The following AACS variants were observed in gnomAD, a reference collection of about 807,000 sequenced individuals.
The protein encoded by AACS is acetoacetate-CoA ligase.
A neutral mutation model predicts 83.1 loss-of-function variants in AACS; 69 were observed. That is an observed-to-expected ratio of 0.83 (90% confidence interval 0.68 to 1.01). The LOEUF is 1.01. Among genes scored for constraint, AACS ranks in the 50% least tolerant of loss-of-function variants. The probability of loss-of-function intolerance (pLI) is 0.00; values close to 1 mark genes in which losing one functional copy is unlikely to be tolerated. For synonymous variants in AACS, 333 were observed against 343.4 expected (o/e 0.97, Z 0.33); for missense variants, 866 against 882.2 (o/e 0.98, Z 0.23).
intron 7 of AACS, among the ~76,000 whole-genome samples, 166 bp downstream of exon 7, chr12:125,103,247 G>C (rs1374733086): frequency 6.6e-6 from 1 of 152,196 alleles, no homozygotes; most frequent in African/African-American, 2.4e-5. Context: ...AGGCCCCAGA[G>C]TGAATCCCCC....
intron 14 of AACS, among the ~76,000 whole-genome samples, chr12:125,132,227 G>A (rs1173421731): frequency 1.3e-5 from 2 of 151,602 alleles, no homozygotes; most frequent in Non-Finnish European, 2.9e-5. Flanking sequence ...CTTTGCAAGG[G>A]ATCAAAGTGT....
chr12:125,073,220 G>A (rs371177741), intron 1 of AACS, among the ~76,000 whole-genome samples: 12 of 152,252 alleles, frequency 7.9e-5, no homozygotes, highest in South Asian at 6.2e-4. Flanking sequence ...GAGCCACCGC[G>A]TCTGGCCTCC....
At chr12:125,068,550 A>T (rs1594561903) in intron 1 of AACS, among the ~76,000 whole-genome samples, 1 of 152,120 alleles carries the variant, frequency 6.6e-6, no homozygotes, top group Non-Finnish European at 1.5e-5. Flanking sequence ...TGCATTCCCA[A>T]CGTGGCAGCA....
intron 15 of AACS, among the ~76,000 whole-genome samples, 195 bp downstream of exon 15, chr12:125,134,267 C>T (rs906992387): frequency 6.6e-6 from 1 of 152,236 alleles, no homozygotes; most frequent in African/African-American, 2.4e-5. Context: ...GGCTGGTGCG[C>T]CATGTTTCCC....
intron 1 of AACS, among the ~76,000 whole-genome samples, chr12:125,069,740 G>A (rs1484041016): frequency 6.6e-6 from 1 of 152,222 alleles, no homozygotes; most frequent in Non-Finnish European, 1.5e-5. Flanking sequence ...CAAGCTGCAC[G>A]TCGGCTCTCT....
At chr12:125,115,230 T>C (rs1276185962) in intron 9 of AACS, among the ~76,000 whole-genome samples, 2 of 151,384 alleles carry the variant, frequency 1.3e-5, no homozygotes, top group Non-Finnish European at 2.9e-5. Flanking sequence ...GTGATCTAGC[T>C]ACAGGTCCTA....
At position 125,097,272 on chromosome 12, in the gene AACS, G is replaced by A. The variant is rs1235011232; in HGVS notation, c.571-5407G>A. Among the ~76,000 whole-genome samples, 2 of 152,088 alleles carry A rather than the reference G, an allele frequency of 1.3e-5. No individual in the cohort carries two copies. Among genetic ancestry groups the A allele is most frequent in the South Asian group, 4.2e-4 (2 of 4,814 alleles). ...GAAATAGTCTTTGTCCACCAAGGAC[G>A]TCACTGAGGAAGGGGTACCGGGGGT... On this transcript the variant is annotated intron_variant, in intron 5 of 17. Transcript: ENST00000316519. This position sits in a 1 kb window ranked among gnomAD's most constrained non-coding sequence, Gnocchi z 4.3.
At chr12:125,127,938 C>G (rs1957271656) in intron 12 of AACS, 1 of 384,404 alleles carries the variant, frequency 2.6e-6, no homozygotes, top group Non-Finnish European at 4.7e-6. Context: ...CAGGAAGGCT[C>G]GGCTAAAACG....
At chr12:125,093,141 G>A (rs1347743335) in intron 5 of AACS, among the ~76,000 whole-genome samples, 1 of 152,234 alleles carries the variant, frequency 6.6e-6, no homozygotes. Context: ...TGAACTAGTC[G>A]GGAGATGGGT....
chr12:125,124,584 C>T, intron 10 of AACS, 121 bp from the exon 11 acceptor site: 1 of 1,169,748 alleles, frequency 8.5e-7, no homozygotes, highest in Non-Finnish European at 1.2e-6. Flanking sequence ...TGAGTTCAAC[C>T]CAGAAAACTG....
intron 4 of AACS, among the ~76,000 whole-genome samples, chr12:125,088,806 G>C (rs1219055881): frequency 2.6e-5 from 4 of 152,236 alleles, no homozygotes; most frequent in Non-Finnish European, 5.9e-5. Flanking sequence ...ACCCTTCAGA[G>C]GTGAGCTGGT....
At chr12:125,079,982 G>A (rs1050834622) in intron 3 of AACS, among the ~76,000 whole-genome samples, 2 of 152,060 alleles carry the variant, frequency 1.3e-5, no homozygotes, top group South Asian at 2.1e-4. Flanking sequence ...GGCTGCTTTC[G>A]CTCAGCACAG....
Position 125,076,504 on chromosome 12 carries a change from C to CGAAAGGAAT in AACS, c.252_260dup (p.Gly86_Ile87insMetLysGly). ...CATTCTCTATAGGTTGTGGACACAT[C>CGAAAGGAAT]GAAAGGAATCGCAGATGTCCCCGAG... is the stretch of plus-strand genomic sequence containing the variant. On this transcript the variant is annotated inframe_insertion, in exon 3 of 18. Transcript: ENST00000316519. 6.2e-7 allele frequency: 1 copy of CGAAAGGAAT among 1,614,042 alleles called. No individual in the cohort carries two copies.
chr12:125,103,162 C>T (rs1213226684), intron 7 of AACS, 81 bp downstream of exon 7: 3 of 1,166,654 alleles, frequency 2.6e-6, no homozygotes, highest in South Asian at 1.4e-5. Context: ...GGATCTTCTA[C>T]TTGGGGTCAC....
In AACS at chr12:125,099,976, G is replaced by A. The variant is rs368910645; in HGVS notation, c.571-2703G>A. 3.0e-4 allele frequency among the ~76,000 whole-genome samples: 45 copies of A among 152,002 alleles called. 1 individual carries two copies. In the South Asian group the frequency reaches 6.6e-3, roughly 22 times the overall value. On this transcript the variant is annotated intron_variant, in intron 5 of 17. Coordinates refer to ENST00000316519, the MANE Select transcript of AACS (RefSeq NM_023928.5). The stretch of plus-strand genomic sequence containing the variant: ...CAGGCGTGAGCCACTGTGCCCGGCC[G>A]AAATGCATTTTTTCTTCTTGACCAG...
Position 125,124,662 on chromosome 12 carries a change from C to G in AACS, c.1122-43C>G, listed in dbSNP as rs369714366. ...ACTTTAGAAAGCTTTGGTGCAAGAGCCTTGAAGAGTTTCTGGTGTTTTCTT... is the reference window on the plus strand; with the variant it reads ...ACTTTAGAAAGCTTTGGTGCAAGAGGCTTGAAGAGTTTCTGGTGTTTTCTT... On this transcript the variant is annotated intron_variant, in intron 10 of 17. Coordinates refer to ENST00000316519, the MANE Select transcript of AACS (RefSeq NM_023928.5). 1.1e-5 allele frequency: 17 copies of G among 1,608,198 alleles called. No individual in the cohort carries two copies. The African/African-American group carries it at 1.6e-4, about 15-fold the overall frequency.
In AACS at chr12:125,114,570, C is replaced by T. The variant is rs753306092; in HGVS notation, c.996+13C>T. 1.3e-5 allele frequency: 21 copies of T among 1,611,258 alleles called. No individual in the cohort carries two copies. Among genetic ancestry groups the T allele is most frequent in the Non-Finnish European group, 1.7e-5 (20 of 1,178,878 alleles). ...GTGCTACACCACGGTAAGGGCTTCC[C>T]CAGGTGCTGGCCTGTGCTATACCAC... On this transcript the variant is annotated intron_variant, in intron 9 of 17. Transcript: ENST00000316519.
At chr12:125,087,173 C>T (rs1179451406) in intron 4 of AACS, among the ~76,000 whole-genome samples, 2 of 152,098 alleles carry the variant, frequency 1.3e-5, no homozygotes, top group African/African-American at 4.8e-5. Flanking sequence ...CCGCCTTGAG[C>T]CATAAAGCAA....
chr12:125,087,026 G>T (rs1284251821), intron 4 of AACS, among the ~76,000 whole-genome samples: 1 of 152,072 alleles, frequency 6.6e-6, no homozygotes, highest in Non-Finnish European at 1.5e-5. Context: ...GTCTACACGG[G>T]CATTAGGAGC....
Sources: allele counts gnomAD v4.1 joint callset (sites outside exome capture counted in the v4.1 genomes callset), GRCh38; gene constraint gnomAD v4.1.1; non-coding constraint Gnocchi (gnomAD v3.1); transcripts MANE v1.5; gene names NCBI Gene and HGNC (gene_info 2026-07-23, HGNC 2026-07-21).